Variants in SLC10A7 observed in about 807,000 individuals in gnomAD.
SLC10A7 encodes sodium/bile acid cotransporter 7.
In SLC10A7, 29 loss-of-function variants were observed where a neutral mutation model predicts 43.2. That is an observed-to-expected ratio of 0.67 (90% CI 0.50 to 0.92). SLC10A7 has a LOEUF of 0.92. SLC10A7 is among the 40% of genes least tolerant of loss of function. The pLI is 0.00. For missense variants in SLC10A7, 295 were observed against 403.2 expected, an observed-to-expected ratio of 0.73 and a Z score of 2.30; for synonymous variants, 152 against 144.8, an observed-to-expected ratio of 1.05 and a Z score of -0.35.
chr4:146,365,838 T>G (rs143121739), intron 5 of SLC10A7, among the ~76,000 whole-genome samples: 228 of 152,340 alleles, frequency 1.5e-3, no homozygotes, highest in Non-Finnish European at 2.5e-3. Context: ...CCCCAAGCCC[T>G]GGGCAGTGGA....
chr4:146,491,238 C>G (rs1000131469), intron 4 of SLC10A7, among the ~76,000 whole-genome samples: 1 of 151,924 alleles, frequency 6.6e-6, no homozygotes, highest in Admixed American at 6.6e-5. Context: ...CCACAAGCAG[C>G]AGAAGAATTC....
At chr4:146,310,812 A>G (rs1166807709) in intron 6 of SLC10A7, among the ~76,000 whole-genome samples, 2 of 152,126 alleles carry the variant, frequency 1.3e-5, no homozygotes, top group African/African-American at 4.8e-5. Flanking sequence ...TAAACCCACA[A>G]GTGTAGCTCC....
intron 5 of SLC10A7, among the ~76,000 whole-genome samples, chr4:146,336,689 T>C (rs1260178982): frequency 6.6e-6 from 1 of 152,026 alleles, no homozygotes; most frequent in Non-Finnish European, 1.5e-5. Flanking sequence ...CCATTTCTAA[T>C]CTAAAGTTGG....
At chr4:146,352,456 T>TGTCA (rs1250526591) in intron 5 of SLC10A7, among the ~76,000 whole-genome samples, 116 of 137,994 alleles carry the variant, frequency 8.4e-4, no homozygotes, top group African/African-American at 3.1e-3. Context: ...AACACCCCAC[T>TGTCA]GTCAACATTA....
intron 5 of SLC10A7, chr4:146,442,332 G>T: frequency 1.0e-6 from 1 of 986,544 alleles, no homozygotes; most frequent in African/African-American, 1.8e-5. Flanking sequence ...TTTCTCAGAA[G>T]CATCCAAGCC....
At chr4:146,324,657 T>G (rs2079427949) in intron 6 of SLC10A7, among the ~76,000 whole-genome samples, 1 of 152,186 alleles carries the variant, frequency 6.6e-6, no homozygotes. Flanking sequence ...CACCAAGGGT[T>G]GCATCTGGGA....
chr4:146,305,214 G>A (rs1166283173), intron 7 of SLC10A7, among the ~76,000 whole-genome samples: 2 of 150,264 alleles, frequency 1.3e-5, no homozygotes, highest in Non-Finnish European at 3.0e-5. Context: ...AGAAAATGTG[G>A]CACATATACA....
chr4:146,329,235 A>G (rs1733368368), intron 5 of SLC10A7, among the ~76,000 whole-genome samples: 1 of 152,222 alleles, frequency 6.6e-6, no homozygotes, highest in African/African-American at 2.4e-5. Context: ...GTTCAGGTTC[A>G]TTAAGAGTGA....
intron 5 of SLC10A7, among the ~76,000 whole-genome samples, chr4:146,364,453 A>G (rs545471264): frequency 6.6e-6 from 1 of 152,240 alleles, no homozygotes; most frequent in East Asian, 1.9e-4. Context: ...ATTCCGAAAA[A>G]TTGAGGAGGA....
intron 5 of SLC10A7, among the ~76,000 whole-genome samples, chr4:146,432,789 C>T (rs1316672375): frequency 2.6e-5 from 4 of 152,066 alleles, no homozygotes; most frequent in Non-Finnish European, 5.9e-5. Flanking sequence ...CCTGTAATCC[C>T]AGAACTTTGG....
intron 4 of SLC10A7, among the ~76,000 whole-genome samples, chr4:146,479,530 T>C (rs945326381): frequency 6.6e-6 from 1 of 152,158 alleles, no homozygotes; most frequent in African/African-American, 2.4e-5. Flanking sequence ...GGGACAATAT[T>C]GTATGATTCT....
rs554759162 is a variant in SLC10A7 at position 146,300,658 on chromosome 4, G to C, written c.555+5268C>G. ...TTTATGTTAATGTACCTGTGGGCCA[G>C]TTACAGCACAGTTCATCCAAAGACT... On this transcript the variant is annotated intron_variant, in intron 7 of 11. Transcript: ENST00000335472. 2.0e-5 allele frequency among the ~76,000 whole-genome samples: 3 copies of C among 152,320 alleles called. No homozygotes were observed. In the East Asian group the frequency reaches 5.8e-4, roughly 29 times the overall value.
chr4:146,328,024 G>C (rs145681766), intron 5 of SLC10A7, among the ~76,000 whole-genome samples: 15 of 152,256 alleles, frequency 9.9e-5, no homozygotes, highest in Admixed American at 1.3e-4. Flanking sequence ...GGGGGCCTAG[G>C]GAATGACCCA....
chr4:146,457,799 C>G (rs1404941986), intron 4 of SLC10A7, among the ~76,000 whole-genome samples: 1 of 151,802 alleles, frequency 6.6e-6, no homozygotes, highest in African/African-American at 2.4e-5. Flanking sequence ...AACAGATGAC[C>G]TAAATTTTCT....
intron 5 of SLC10A7, chr4:146,442,250 T>TAG (rs1426267527): frequency 2.1e-6 from 2 of 940,594 alleles, no homozygotes; most frequent in Non-Finnish European, 2.5e-6. Context: ...TATATATATA[T>TAG]ATATAGATAC....
rs1308155377 is a variant in SLC10A7, at chr4:146,521,602, G to A, written c.100+16C>T. The A allele has an allele frequency of 8.1e-6, 13 of 1,602,964 alleles. No individual in the cohort carries two copies. Among genetic ancestry groups the A allele is most frequent in the Non-Finnish European group, 1.1e-5 (13 of 1,171,662 alleles). On this transcript the variant is annotated intron_variant, in intron 1 of 11. Coordinates refer to ENST00000335472, the MANE Select transcript of SLC10A7 (RefSeq NM_001029998.6). ...AGTGGGAGCCGCGGTGGAGCCGGCAGAGGTGCAGCACTTACCCCCATTCAC... is the reference window on the plus strand; with the variant it reads ...AGTGGGAGCCGCGGTGGAGCCGGCAAAGGTGCAGCACTTACCCCCATTCAC...
chr4:146,481,014 G>A lies in SLC10A7; in HGVS notation c.396+22835C>T, dbSNP rs951414987. ...CTCAGGTCTCCTGTACACCAGAGCA[G>A]CATTCTCCCAACCCCAGAGGTGACA... On this transcript the variant is annotated intron_variant, in intron 4 of 11. Coordinates refer to ENST00000335472, the MANE Select transcript of SLC10A7 (RefSeq NM_001029998.6). Among the ~76,000 whole-genome samples the A allele has an allele frequency of 2.2e-4, 33 of 152,084 alleles. 1 individual carries two copies. The highest frequency in any genetic ancestry group is 2.2e-3 in the Admixed American group (33 of 15,278).
intron 7 of SLC10A7, among the ~76,000 whole-genome samples, chr4:146,303,465 C>A (rs1731299766): frequency 6.6e-6 from 1 of 151,490 alleles, no homozygotes; most frequent in Non-Finnish European, 1.5e-5. Flanking sequence ...GCAACCTCCG[C>A]CTCCCAGGTT....
At chr4:146,462,651 G>A (rs576338887) in intron 4 of SLC10A7, among the ~76,000 whole-genome samples, 2 of 152,076 alleles carry the variant, frequency 1.3e-5, no homozygotes, top group African/African-American at 2.4e-5. Context: ...GCACTAAATC[G>A]ACTTCAAATT....
Sources: allele counts gnomAD v4.1 joint callset (sites outside exome capture counted in the v4.1 genomes callset), GRCh38; gene constraint gnomAD v4.1.1; transcripts MANE v1.5; gene names NCBI Gene and HGNC (gene_info 2026-07-23, HGNC 2026-07-21).